The following IGSF11 variants were observed in gnomAD, a reference collection of about 807,000 sequenced individuals.
IGSF11 encodes CXADR like 1.
A neutral mutation model predicts 41.0 loss-of-function variants in IGSF11; 22 were observed. That is an observed-to-expected ratio of 0.54 (90% CI 0.38 to 0.77). The LOEUF (loss-of-function observed/expected upper bound fraction) is 0.77. Among genes scored for constraint, IGSF11 ranks in the 30% least tolerant of loss-of-function variants. The probability of loss-of-function intolerance (pLI) is 0.00; values close to 1 mark genes in which losing one functional copy is unlikely to be tolerated. For synonymous variants in IGSF11, 219 were observed against 201.3 expected (o/e 1.09, Z -0.74); for missense variants, 444 against 530.8 (o/e 0.84, Z 1.61).
At chr3:119,135,894 T>C (rs1303516138) in intron 1 of IGSF11, among the ~76,000 whole-genome samples, 1 of 152,176 alleles carries the variant, frequency 6.6e-6, no homozygotes, top group Non-Finnish European at 1.5e-5. Context: ...TAAAGAAGAA[T>C]GAGTTCATGT....
intron 1 of IGSF11, among the ~76,000 whole-genome samples, chr3:118,995,990 G>C (rs1442383993): frequency 3.3e-5 from 5 of 151,898 alleles, no homozygotes; most frequent in African/African-American, 1.2e-4. Flanking sequence ...CACCATATTA[G>C]CCAAGCTGCT....
At chr3:118,946,609 C>T (rs193223415) in intron 1 of IGSF11, among the ~76,000 whole-genome samples, 8 of 152,156 alleles carry the variant, frequency 5.3e-5, no homozygotes, top group Non-Finnish European at 8.8e-5. Flanking sequence ...ACTTTGTGTC[C>T]AATGTATGTC....
intron 1 of IGSF11, among the ~76,000 whole-genome samples, chr3:119,098,899 C>T (rs2076897563): frequency 6.6e-6 from 1 of 152,112 alleles, no homozygotes; most frequent in Non-Finnish European, 1.5e-5. Flanking sequence ...AACTTTTCTA[C>T]TCTGTCTCAC....
chr3:119,135,165 G>A (rs1156254450), intron 1 of IGSF11, among the ~76,000 whole-genome samples: 2 of 152,278 alleles, frequency 1.3e-5, no homozygotes, highest in African/African-American at 4.8e-5. Flanking sequence ...AGGACTTCAT[G>A]GCTAAAACAC....
intron 1 of IGSF11, among the ~76,000 whole-genome samples, chr3:119,080,239 T>C (rs1431186514): frequency 2.0e-5 from 3 of 152,242 alleles, no homozygotes; most frequent in African/African-American, 7.2e-5. Context: ...TGCTTAGTAA[T>C]GGAAGCTTTG....
At chr3:119,040,774 A>G (rs1941089698) in intron 1 of IGSF11, among the ~76,000 whole-genome samples, 1 of 152,234 alleles carries the variant, frequency 6.6e-6, no homozygotes. Context: ...CAATGAATGA[A>G]GCAATTCTCA....
At position 118,972,553 on chromosome 3, in the gene IGSF11, T is replaced by C. The variant is rs75977969; in HGVS notation, c.53-42278A>G. On this transcript the variant is annotated intron_variant, in intron 1 of 6. Transcript: ENST00000393775. The stretch of plus-strand genomic sequence containing the variant: ...TGAATGGATGATTTTGCATAGTCTA[T>C]GCAAATTCTGACATCCTATTAATTT... Among the ~76,000 whole-genome samples the C allele has an allele frequency of 1.8e-3, 281 of 152,304 alleles. 5 individuals are homozygous for C. In the East Asian group the frequency reaches 0.039, roughly 21 times the overall value.
chr3:118,953,720 T>C (rs1422511756), intron 1 of IGSF11, among the ~76,000 whole-genome samples: 1 of 152,196 alleles, frequency 6.6e-6, no homozygotes, highest in Non-Finnish European at 1.5e-5. Flanking sequence ...AATTGTCCCA[T>C]GGCCTTAGCC....
intron 1 of IGSF11, among the ~76,000 whole-genome samples, chr3:118,938,011 C>G (rs542728709): frequency 6.6e-6 from 1 of 151,398 alleles, no homozygotes; most frequent in Non-Finnish European, 1.5e-5. Context: ...AAAGATATCT[C>G]TCTCTCTCTC....
At position 118,940,947 on chromosome 3, in the gene IGSF11, C is replaced by T. The variant is rs114769945; in HGVS notation, c.53-10672G>A. Among the ~76,000 whole-genome samples, 739 of 146,336 alleles carry T rather than the reference C, an allele frequency of 5.1e-3. 4 individuals are homozygous for T. Among genetic ancestry groups the T allele is most frequent in the African/African-American group, 0.017 (695 of 40,328 alleles). On this transcript the variant is annotated intron_variant, in intron 1 of 6. Coordinates refer to ENST00000393775, the MANE Select transcript of IGSF11 (RefSeq NM_001015887.3). ...AAAACACCTCTACCCTTATTTAATA[C>T]TTTATATAAAAATTAACTCAAAATA...
intron 1 of IGSF11, among the ~76,000 whole-genome samples, chr3:119,068,881 T>C (rs1576758619): frequency 6.6e-6 from 1 of 150,924 alleles, no homozygotes; most frequent in Non-Finnish European, 1.5e-5. Flanking sequence ...TTAGAGCATA[T>C]AAAGGTATGA....
At chr3:119,015,835 C>T (rs527322198) in intron 1 of IGSF11, among the ~76,000 whole-genome samples, 4 of 152,248 alleles carry the variant, frequency 2.6e-5, no homozygotes, top group South Asian at 2.1e-4. Flanking sequence ...TGGTGCCTGA[C>T]GTCCATCACT....
intron 1 of IGSF11, among the ~76,000 whole-genome samples, chr3:118,984,348 C>A (rs528365559): frequency 6.6e-6 from 1 of 152,196 alleles, no homozygotes; most frequent in South Asian, 2.1e-4. Context: ...GGCCCTTCAA[C>A]AATTAATGTT....
chr3:118,931,150 TG>T (rs1384080903), intron 1 of IGSF11, among the ~76,000 whole-genome samples: 2 of 152,188 alleles, frequency 1.3e-5, no homozygotes, highest in African/African-American at 4.8e-5. Context: ...CAAATGGTGC[TG>T]GGATAATTTG....
intron 1 of IGSF11, among the ~76,000 whole-genome samples, chr3:119,066,504 T>C (rs1195962202): frequency 6.6e-6 from 1 of 152,226 alleles, no homozygotes; most frequent in Non-Finnish European, 1.5e-5. Context: ...CTAAGTATGA[T>C]TCATATAAAG....
chr3:119,059,179 T>TCTCACA (rs1351189405), intron 1 of IGSF11, among the ~76,000 whole-genome samples: 2 of 147,952 alleles, frequency 1.4e-5, no homozygotes, highest in South Asian at 4.3e-4. Context: ...TATACACAGA[T>TCTCACA]CACACACACA....
intron 1 of IGSF11, among the ~76,000 whole-genome samples, chr3:119,119,631 G>A (rs1322923784): frequency 6.6e-6 from 1 of 152,082 alleles, no homozygotes; most frequent in Non-Finnish European, 1.5e-5. Flanking sequence ...ACTGCTTTTG[G>A]AATTCCATTA....
intron 1 of IGSF11, among the ~76,000 whole-genome samples, chr3:119,084,657 C>T (rs2076641235): frequency 6.6e-6 from 1 of 152,362 alleles, no homozygotes; most frequent in Middle Eastern, 3.4e-3. Context: ...CCAGCCAACC[C>T]TTCCAGGGCT....
intron 1 of IGSF11, among the ~76,000 whole-genome samples, chr3:119,030,223 T>C (rs927180390): frequency 2.0e-5 from 3 of 152,202 alleles, no homozygotes; most frequent in Admixed American, 6.5e-5. Flanking sequence ...TTGAATACAC[T>C]TTGTCCACAA....
Sources: allele counts gnomAD v4.1 joint callset (sites outside exome capture counted in the v4.1 genomes callset), GRCh38; gene constraint gnomAD v4.1.1; transcripts MANE v1.5; gene names NCBI Gene and HGNC (gene_info 2026-07-23, HGNC 2026-07-21).